Variants in CTNND2 observed in about 807,000 individuals in gnomAD.
The protein encoded by CTNND2 is catenin delta-2.
CTNND2 carries 22 observed loss-of-function variants against 144.4 expected under a neutral mutation model. The observed-to-expected ratio is 0.15, with a 90% CI of 0.11 to 0.22. The LOEUF is 0.22. Among genes scored for constraint, CTNND2 ranks in the 10% least tolerant of loss-of-function variants. The pLI is 1.00. For missense variants in CTNND2, 1,353 were observed against 1,618.8 expected (o/e 0.84, Z 2.82); for synonymous variants, 751 against 695.6 (o/e 1.08, Z -1.25).
chr5:11,389,802 A>G (rs1450656382), intron 6 of CTNND2, among the ~76,000 whole-genome samples: 2 of 152,156 alleles, frequency 1.3e-5, no homozygotes, highest in Non-Finnish European at 2.9e-5. Flanking sequence ...CACTGACATG[A>G]ATGTCACAGT....
chr5:11,474,017 G>T (rs1334244853), intron 3 of CTNND2, among the ~76,000 whole-genome samples: 1 of 152,186 alleles, frequency 6.6e-6, no homozygotes, highest in Non-Finnish European at 1.5e-5. Flanking sequence ...GTAATCGAGA[G>T]CCTGAAGCAT....
At chr5:11,860,291 T>C (rs1795442594) in intron 1 of CTNND2, among the ~76,000 whole-genome samples, 1 of 152,236 alleles carries the variant, frequency 6.6e-6, no homozygotes, top group African/African-American at 2.4e-5. Flanking sequence ...TGGACAATTC[T>C]GTAATCACAT....
rs532631854 is a variant in CTNND2, at chr5:11,157,399, C to G, written c.2159+2177G>C. Among the ~76,000 whole-genome samples the G allele has an allele frequency of 2.0e-5, 3 of 152,234 alleles. No individual in the cohort carries two copies. The South Asian group carries it at 6.2e-4, about 32-fold the overall frequency. On this transcript the variant is annotated intron_variant, in intron 12 of 21. Coordinates refer to ENST00000304623, the MANE Select transcript of CTNND2 (RefSeq NM_001332.4). ...CACACCTAGCTGTCAGTCACTTTCT[C>G]ACCAGTTTTTCCTCCTGTACTGCCA...
chr5:11,800,864 T>C (rs72736622), intron 1 of CTNND2, among the ~76,000 whole-genome samples: 6,357 of 152,228 alleles, frequency 0.042, 186 homozygotes, highest in Admixed American at 0.074. Context: ...AATCACAAAA[T>C]ACATTTTAGA....
intron 9 of CTNND2, among the ~76,000 whole-genome samples, chr5:11,250,880 T>C (rs1743567839): frequency 1.3e-5 from 2 of 152,124 alleles, no homozygotes. Flanking sequence ...GACGTTTGAC[T>C]ACACCATAAA....
At chr5:11,805,771 C>A (rs939327612) in intron 1 of CTNND2, among the ~76,000 whole-genome samples, 8 of 152,072 alleles carry the variant, frequency 5.3e-5, no homozygotes, top group African/African-American at 1.9e-4. Context: ...GAACATAGAT[C>A]CACCAGCCTT....
intron 3 of CTNND2, among the ~76,000 whole-genome samples, chr5:11,508,892 T>C (rs954121622): frequency 8.0e-5 from 12 of 150,286 alleles, no homozygotes; most frequent in South Asian, 2.1e-4. Context: ...GCCTGGGCAA[T>C]AGAGTGAGAC....
rs775417225 is a variant in CTNND2 at position 10,973,764 on chromosome 5, G to A, written c.3418-51C>T. On this transcript the variant is annotated intron_variant, in intron 21 of 21. Transcript: ENST00000304623. This position sits in a 1 kb window ranked among gnomAD's most constrained non-coding sequence, Gnocchi z 5.6. ...GGGTTACTTGGTTTCCCTTGACTCAGCCTGCCTCTTGCCCCGGCACCCAAC... is the reference window on the plus strand; with the variant it reads ...GGGTTACTTGGTTTCCCTTGACTCAACCTGCCTCTTGCCCCGGCACCCAAC... 6.5e-7 allele frequency: 1 copy of A among 1,530,612 alleles called. No homozygotes were observed. Among genetic ancestry groups the A allele is most frequent in the Admixed American group, 2.0e-5 (1 of 48,902 alleles). 94.8% of individuals were successfully genotyped at this position (1,530,612 alleles called of 1,614,324 possible).
chr5:10,995,876 A>AT (rs1486199184), intron 18 of CTNND2, among the ~76,000 whole-genome samples: 37 of 152,186 alleles, frequency 2.4e-4, no homozygotes, highest in South Asian at 1.9e-3. Flanking sequence ...TTCACTCTTG[A>AT]TTTTTTTGTT....
At chr5:11,134,723 A>G (rs950654542) in intron 12 of CTNND2, among the ~76,000 whole-genome samples, 4 of 152,198 alleles carry the variant, frequency 2.6e-5, no homozygotes, top group African/African-American at 9.7e-5. Flanking sequence ...CAGTAAGCTA[A>G]ATGAGTTTCT....
intron 5 of CTNND2, among the ~76,000 whole-genome samples, chr5:11,409,921 T>G (rs192135762): frequency 6.6e-6 from 1 of 152,198 alleles, no homozygotes; most frequent in Admixed American, 6.5e-5. Context: ...TTTTAATTTG[T>G]TTACTTTTTA....
chr5:11,835,749 T>C (rs1424261095), intron 1 of CTNND2, among the ~76,000 whole-genome samples: 1 of 152,242 alleles, frequency 6.6e-6, no homozygotes, highest in Non-Finnish European at 1.5e-5. Context: ...ATCATTCCAA[T>C]GATCCAGCTC....
At chr5:11,184,970 G>A (rs1054593004) in intron 11 of CTNND2, among the ~76,000 whole-genome samples, 1 of 152,174 alleles carries the variant, frequency 6.6e-6, no homozygotes, top group African/African-American at 2.4e-5. Flanking sequence ...GCGCAGGAGT[G>A]CTTGTGCCTT....
chr5:11,774,565 A>T lies in CTNND2; in HGVS notation c.38-42293T>A, dbSNP rs1023111891. On this transcript the variant is annotated intron_variant, in intron 1 of 21. Coordinates refer to ENST00000304623, the MANE Select transcript of CTNND2 (RefSeq NM_001332.4). ...TAAAGTATAATAAAAAAAAATTAAA[A>T]AAAAAAACAATGATGGCTTTAGTCT... Among the ~76,000 whole-genome samples, 2 of 150,032 alleles carry T rather than the reference A, an allele frequency of 1.3e-5. 1 individual carries two copies. Among genetic ancestry groups the T allele is most frequent in the African/African-American group, 4.9e-5 (2 of 40,898 alleles).
intron 1 of CTNND2, among the ~76,000 whole-genome samples, chr5:11,866,271 C>G (rs1795763786): frequency 6.6e-6 from 1 of 152,128 alleles, no homozygotes; most frequent in Non-Finnish European, 1.5e-5. Context: ...CCACTGCACT[C>G]CAGCCAGGAT....
At chr5:11,658,719 G>A (rs901385070) in intron 2 of CTNND2, among the ~76,000 whole-genome samples, 5 of 152,144 alleles carry the variant, frequency 3.3e-5, no homozygotes, top group South Asian at 2.1e-4. Flanking sequence ...TGATTGCTGA[G>A]GGGAGGAAGT....
intron 2 of CTNND2, among the ~76,000 whole-genome samples, chr5:11,725,035 G>A (rs1446572738): frequency 3.3e-5 from 5 of 152,276 alleles, no homozygotes; most frequent in Middle Eastern, 3.4e-3. Flanking sequence ...AGTGAAAAAG[G>A]AGGATGCTAA....
intron 3 of CTNND2, among the ~76,000 whole-genome samples, chr5:11,425,449 G>A (rs973770088): frequency 6.6e-6 from 1 of 152,106 alleles, no homozygotes; most frequent in Non-Finnish European, 1.5e-5. Flanking sequence ...TACTTGAAAC[G>A]GGAAAGATGG....
At chr5:11,381,795 G>A (rs181519113) in intron 7 of CTNND2, among the ~76,000 whole-genome samples, 1,978 of 152,170 alleles carry the variant, frequency 0.013, 39 homozygotes, top group African/African-American at 0.045. Flanking sequence ...GTGAAACCCC[G>A]TCTCTACTAA....
Sources: allele counts gnomAD v4.1 joint callset (sites outside exome capture counted in the v4.1 genomes callset), GRCh38; gene constraint gnomAD v4.1.1; non-coding constraint Gnocchi (gnomAD v3.1); transcripts MANE v1.5; gene names NCBI Gene and HGNC (gene_info 2026-07-23, HGNC 2026-07-21).